NRXN1: variants seen among roughly 807,000 people sequenced by gnomAD.
The protein encoded by NRXN1 is neurexin-1.
Under a neutral mutation model 150.9 loss-of-function variants are expected in NRXN1, and 39 were observed. That is an observed-to-expected ratio of 0.26 (90% CI 0.20 to 0.34). The LOEUF is 0.34. Among genes scored for constraint, NRXN1 ranks in the 10% least tolerant of loss-of-function variants. The probability of loss-of-function intolerance (pLI) is 1.00; values close to 1 mark genes in which losing one functional copy is unlikely to be tolerated. For synonymous variants in NRXN1, 924 were observed against 757.0 expected, an observed-to-expected ratio of 1.22 and a Z score of -3.62; for missense variants, 1,815 against 1,949.9, an observed-to-expected ratio of 0.93 and a Z score of 1.30.
chr2:50,098,617 T>C (rs1196990864), intron 18 of NRXN1, among the ~76,000 whole-genome samples: 1 of 152,114 alleles, frequency 6.6e-6, no homozygotes, highest in African/African-American at 2.4e-5. Flanking sequence ...GTAAGTGCCA[T>C]TGTCTCTATC....
At chr2:50,493,787 A>G (rs2091401172) in intron 15 of NRXN1, among the ~76,000 whole-genome samples, 1 of 152,238 alleles carries the variant, frequency 6.6e-6, no homozygotes, top group Non-Finnish European at 1.5e-5. Flanking sequence ...GTATTATTCT[A>G]TACTAATGAT....
intron 2 of NRXN1, among the ~76,000 whole-genome samples, chr2:50,952,495 A>C (rs755903589): frequency 1.3e-5 from 2 of 152,204 alleles, no homozygotes; most frequent in Non-Finnish European, 2.9e-5. Flanking sequence ...TTATTTCAAC[A>C]AGTTTTTATT....
intron 2 of NRXN1, among the ~76,000 whole-genome samples, chr2:50,987,300 A>T (rs1041171788): frequency 2.6e-5 from 4 of 151,972 alleles, no homozygotes; most frequent in African/African-American, 4.8e-5. Context: ...AATAAAATAA[A>T]GATTGCACCC....
intron 5 of NRXN1, among the ~76,000 whole-genome samples, chr2:50,776,579 A>G (rs1342882637): frequency 1.3e-5 from 2 of 151,250 alleles, no homozygotes; most frequent in Admixed American, 6.6e-5. Flanking sequence ...TATATATATA[A>G]TATTATATGT....
At chr2:49,994,805 C>G (rs148683650) in intron 21 of NRXN1, among the ~76,000 whole-genome samples, 1 of 152,166 alleles carries the variant, frequency 6.6e-6, no homozygotes, top group Non-Finnish European at 1.5e-5. Context: ...TTTTGTAAGG[C>G]AAAAGGTGAG....
intron 18 of NRXN1, among the ~76,000 whole-genome samples, chr2:50,165,732 G>C (rs554720594): frequency 6.6e-6 from 1 of 152,076 alleles, no homozygotes; most frequent in Non-Finnish European, 1.5e-5. Flanking sequence ...TACCTCACAG[G>C]GCTTTTATGA....
At chr2:50,606,103 A>G (rs1677069017) in intron 8 of NRXN1, among the ~76,000 whole-genome samples, 1 of 152,046 alleles carries the variant, frequency 6.6e-6, no homozygotes, top group East Asian at 1.9e-4. Context: ...TACAAAAATT[A>G]GCCAGGCATG....
At chr2:50,615,252 T>C (rs965140784) in intron 8 of NRXN1, 2 of 152,158 alleles carry the variant, frequency 1.3e-5, no homozygotes, top group Non-Finnish European at 2.9e-5. Flanking sequence ...TGAGCAATTT[T>C]TAGTGGCAGC....
intron 18 of NRXN1, among the ~76,000 whole-genome samples, chr2:50,093,412 T>C (rs1699829351): frequency 6.7e-6 from 1 of 149,922 alleles, no homozygotes; most frequent in Non-Finnish European, 1.5e-5. Context: ...AGCCCAGGAG[T>C]TGGAGACCAG....
At chr2:50,190,027 G>T (rs1195587562) in intron 18 of NRXN1, among the ~76,000 whole-genome samples, 1 of 152,056 alleles carries the variant, frequency 6.6e-6, no homozygotes, top group African/African-American at 2.4e-5. Flanking sequence ...TCAGAAATGA[G>T]TTCTAATACT....
chr2:50,049,562 T>C (rs1429291991), intron 21 of NRXN1, among the ~76,000 whole-genome samples: 1 of 152,168 alleles, frequency 6.6e-6, no homozygotes, highest in Non-Finnish European at 1.5e-5. Flanking sequence ...AGTATGTATG[T>C]AGCTTGTAAA....
At chr2:50,133,075 C>A (rs890810833) in intron 18 of NRXN1, among the ~76,000 whole-genome samples, 1 of 151,984 alleles carries the variant, frequency 6.6e-6, no homozygotes, top group East Asian at 1.9e-4. Flanking sequence ...CAATCAGGAC[C>A]AAAAGTGTAG....
chr2:49,933,331 C>T (rs1670469078), intron 22 of NRXN1, among the ~76,000 whole-genome samples: 1 of 152,114 alleles, frequency 6.6e-6, no homozygotes, highest in African/African-American at 2.4e-5. Flanking sequence ...CATGATCCGC[C>T]CGCCTCGGCC....
intron 13 of NRXN1, 96 bp from the exon 14 acceptor site, chr2:50,497,810 GCCAA>G: frequency 4.4e-6 from 5 of 1,148,016 alleles, no homozygotes; most frequent in South Asian, 1.6e-5. Flanking sequence ...AATACAAGGA[GCCAA>G]ATCCCTCCTT....
intron 18 of NRXN1, among the ~76,000 whole-genome samples, chr2:50,220,347 G>T (rs1277499319): frequency 6.6e-6 from 1 of 151,832 alleles, no homozygotes; most frequent in African/African-American, 2.4e-5. Context: ...GTTGGGAAAA[G>T]ACTATGCCGT....
rs768727769 is a variant in NRXN1, at chr2:50,623,453, T to C, written c.995A>G (p.Asn332Ser). The C allele has an allele frequency of 1.9e-6, 3 of 1,613,398 alleles. No individual in the cohort carries two copies. Among genetic ancestry groups the C allele is most frequent in the East Asian group, 2.2e-5 (1 of 44,870 alleles). ...LHTGKSADYV[N>S]LALKNGAVSL... ...GACAGCTCCATTTTTCAGGGCAAGA[T>C]TGACATAATCAGCCGATTTCCCAGT... Residue 332 changes from asparagine to serine, a missense_variant, in exon 6 of 23, where the codon AAT becomes AGT. Physicochemically the swap from Asn to Ser is conservative, Grantham distance 46. Coordinates refer to ENST00000401669, the MANE Select transcript of NRXN1 (RefSeq NM_001330078.2).
At chr2:50,766,020 T>G (rs1214669702) in intron 5 of NRXN1, among the ~76,000 whole-genome samples, 1 of 152,014 alleles carries the variant, frequency 6.6e-6, no homozygotes, top group Non-Finnish European at 1.5e-5. Context: ...GGTCCATAAT[T>G]AGACAATTAG....
intron 5 of NRXN1, among the ~76,000 whole-genome samples, chr2:50,870,546 C>T (rs569205082): frequency 6.6e-6 from 1 of 151,914 alleles, no homozygotes. Context: ...ACTTACTATT[C>T]TTTTGCATAA....
At chr2:50,847,492 G>C (rs548933622) in intron 5 of NRXN1, among the ~76,000 whole-genome samples, 2 of 152,170 alleles carry the variant, frequency 1.3e-5, no homozygotes, top group African/African-American at 4.8e-5. Context: ...GGAAGTGCTG[G>C]GTAGAGAAAG....
Sources: allele counts gnomAD v4.1 joint callset (sites outside exome capture counted in the v4.1 genomes callset), GRCh38; gene constraint gnomAD v4.1.1; transcripts MANE v1.5; gene names NCBI Gene and HGNC (gene_info 2026-07-23, HGNC 2026-07-21).